Variants in RBM41 observed in about 807,000 individuals in gnomAD.
RBM41 encodes the protein RNA-binding protein 41.
In RBM41, 14 loss-of-function variants were observed where a neutral mutation model predicts 30.8. That is an observed-to-expected ratio of 0.45 (90% confidence interval 0.30 to 0.71). The LOEUF is 0.71. RBM41 is among the 30% of genes least tolerant of loss of function. The pLI is 0.08. For synonymous variants in RBM41, 120 were observed against 110.1 expected, an observed-to-expected ratio of 1.09 and a Z score of -0.56; for missense variants, 276 against 326.3, an observed-to-expected ratio of 0.85 and a Z score of 1.19.
intron 4 of RBM41, chrX:107,115,098 C>T: frequency 5.4e-6 from 2 of 367,639 alleles, no homozygotes; most frequent in East Asian, 4.5e-5. Context: ...CTTCTGACTC[C>T]CCCAACTAGA....
chrX:107,067,678 C>A lies in RBM41; in HGVS notation c.1163G>T (p.Trp388Leu), dbSNP rs766967021. 4 of 1,205,099 alleles carry A rather than the reference C, an allele frequency of 3.3e-6. No individual in the cohort carries two copies. The highest frequency in any genetic ancestry group is 4.5e-6 in the Non-Finnish European group (4 of 892,490). ...TCCATTTACTAGATGCAATGCTTGC[C>A]ATGCTATCTCCTTATCTAAAAGAGA... Reference protein sequence around the residue: ...FITFPNKEIAWQALHLVNGYK... With the variant: ...FITFPNKEIALQALHLVNGYK... The change falls in exon 8 of 8, where the codon TGG (tryptophan) becomes TTG (leucine). Residue 388 changes from tryptophan to leucine, a missense_variant. Transcript: ENST00000685964.
chrX:107,085,494 C>T (rs1361852903), intron 6 of RBM41, among the ~76,000 whole-genome samples: 1 of 110,918 alleles, frequency 9.0e-6, no homozygotes, highest in Non-Finnish European at 1.9e-5. Flanking sequence ...TCTCGAACTC[C>T]TGACCTCAGG....
chrX:107,104,481 C>A (rs779318805), intron 5 of RBM41, among the ~76,000 whole-genome samples: 5 of 111,058 alleles, frequency 4.5e-5, no homozygotes, highest in African/African-American at 9.8e-5. Context: ...TAGAAAAAAT[C>A]TTTTCCCATT....
chrX:107,052,625 C>T, the RBM41 span, among the ~76,000 whole-genome samples: 4 of 111,376 alleles, frequency 3.6e-5, no homozygotes, highest in Non-Finnish European at 5.7e-5. Context: ...TCCAGGGGTC[C>T]GTGGTAGATT....
chrX:107,094,655 T>C (rs1458605792), intron 5 of RBM41, among the ~76,000 whole-genome samples: 1 of 111,389 alleles, frequency 9.0e-6, no homozygotes, highest in Non-Finnish European at 1.9e-5. Context: ...CATGTTAAGG[T>C]TGAGATAGGA....
chrX:107,115,579 G>A, intron 3 of RBM41, 23 bp from the exon 4 acceptor site: 1 of 1,167,262 alleles, frequency 8.6e-7, no homozygotes, highest in Non-Finnish European at 1.2e-6. Flanking sequence ...GAATGAGATG[G>A]CATGTATCAT....
At chrX:107,106,757 A>T (rs1274523498) in intron 5 of RBM41, among the ~76,000 whole-genome samples, 1 of 109,218 alleles carries the variant, frequency 9.2e-6, no homozygotes, top group African/African-American at 3.4e-5. Flanking sequence ...TTCTCAGCAA[A>T]CTATTGCAAG....
chrX:107,078,405 C>G (rs1331005994), intron 6 of RBM41, among the ~76,000 whole-genome samples: 1 of 111,186 alleles, frequency 9.0e-6, no homozygotes, highest in African/African-American at 3.3e-5. Context: ...TTCTTTTCCT[C>G]TATATATTTG....
Position 107,067,112 on chromosome X carries a change from G to A in RBM41, c.*415C>T. 1.3e-6 allele frequency: 1 copy of A among 750,211 alleles called. No homozygotes were observed. The highest frequency in any genetic ancestry group is 1.6e-6 in the Non-Finnish European group (1 of 636,018). 61.8% of individuals were successfully genotyped at this position (750,211 alleles called of 1,213,427 possible). ...TTTATTTACTAGGTGGATGAAATAT[G>A]GCAAATGGGCTCTAGTAAAGAAATA... On this transcript the variant is annotated 3_prime_UTR_variant, in exon 8 of 8. Coordinates refer to ENST00000685964, the MANE Select transcript of RBM41 (RefSeq NM_001324242.2).
intron 6 of RBM41, among the ~76,000 whole-genome samples, chrX:107,076,555 C>T (rs773826516): frequency 1.8e-5 from 2 of 110,047 alleles, no homozygotes; most frequent in East Asian, 2.8e-4. Flanking sequence ...GTCACCAGGG[C>T]TGGGGGAAGG....
intron 7 of RBM41, 59 bp from the exon 8 acceptor site, chrX:107,067,752 AG>A: frequency 9.0e-7 from 1 of 1,105,974 alleles, no homozygotes; most frequent in South Asian, 2.6e-5. Flanking sequence ...ATTCTATTCC[AG>A]GTTTAGTTTA....
At chrX:107,061,093 G>A (rs917771823), downstream of RBM41, among the ~76,000 whole-genome samples, 7 of 111,556 alleles carry the variant, frequency 6.3e-5, no homozygotes, top group Admixed American at 9.5e-5. Context: ...ACTGAGAACT[G>A]TCACAAATAG....
At chrX:107,110,900 A>G (rs1924407301) in intron 5 of RBM41, among the ~76,000 whole-genome samples, 1 of 111,238 alleles carries the variant, frequency 9.0e-6, no homozygotes, top group African/African-American at 3.3e-5. Context: ...AATTAACTCA[A>G]AAGGTTCAAA....
chrX:107,080,453 C>A (rs1569330573), intron 6 of RBM41, among the ~76,000 whole-genome samples: 1 of 111,327 alleles, frequency 9.0e-6, no homozygotes, highest in East Asian at 2.8e-4. Context: ...TGGCTCGCAC[C>A]TGTAGTCCCA....
intron 6 of RBM41, among the ~76,000 whole-genome samples, chrX:107,086,500 C>G (rs1922049600): frequency 1.9e-5 from 1 of 53,708 alleles, no homozygotes; most frequent in Non-Finnish European, 3.9e-5. Context: ...CTTCCCAACA[C>G]TTTTGATTGA....
intron 6 of RBM41, 193 bp from the exon 7 acceptor site, chrX:107,069,595 C>G: frequency 2.9e-6 from 1 of 339,230 alleles, no homozygotes; most frequent in East Asian, 5.3e-5. Flanking sequence ...GCTGGGATTA[C>G]AGTCATGTGC....
At chrX:107,083,373 G>A (rs932132139) in intron 6 of RBM41, among the ~76,000 whole-genome samples, 15 of 110,808 alleles carry the variant, frequency 1.4e-4, no homozygotes, top group Non-Finnish European at 2.8e-4. Context: ...AACATGATAC[G>A]CTTAGGTGTA....
chrX:107,083,911 ATG>A (rs1201371767), intron 6 of RBM41, among the ~76,000 whole-genome samples: 3 of 107,209 alleles, frequency 2.8e-5, no homozygotes, highest in East Asian at 2.8e-4. Context: ...CCTCTTCAGA[ATG>A]TGTGTTTTTT....
In RBM41 at chrX:107,063,721, A is replaced by G. The variant is rs957424187; in HGVS notation, c.*3806T>C. 1.8e-5 allele frequency among the ~76,000 whole-genome samples: 2 copies of G among 110,347 alleles called. No individual in the cohort carries two copies. The highest frequency in any genetic ancestry group is 3.8e-5 in the Non-Finnish European group (2 of 52,821). On this transcript the variant is annotated 3_prime_UTR_variant, in exon 8 of 8. Coordinates refer to ENST00000685964, the MANE Select transcript of RBM41 (RefSeq NM_001324242.2). ...CTTCATTTCTGATTTTAGTAATTTG[A>G]TTCTCCTTTTTTCCTGGTCAGTCTA...
Sources: allele counts gnomAD v4.1 joint callset (sites outside exome capture counted in the v4.1 genomes callset), GRCh38; gene constraint gnomAD v4.1.1; transcripts MANE v1.5; gene names NCBI Gene and HGNC (gene_info 2026-07-23, HGNC 2026-07-21).